The following CHSY3 variants were observed in gnomAD, a reference collection of about 807,000 sequenced individuals.
The protein encoded by CHSY3 is chondroitin sulfate synthase 3.
A neutral mutation model predicts 67.2 loss-of-function variants in CHSY3; 35 were observed. That is an observed-to-expected ratio of 0.52 (90% CI 0.40 to 0.69). CHSY3 has a LOEUF of 0.69. CHSY3 is among the 30% of genes least tolerant of loss of function. The pLI, the probability that CHSY3 is intolerant of heterozygous loss-of-function variation, is 0.00. For synonymous variants in CHSY3, 474 were observed against 434.7 expected, an observed-to-expected ratio of 1.09 and a Z score of -1.12; for missense variants, 1,069 against 1,138.5, an observed-to-expected ratio of 0.94 and a Z score of 0.88.
At chr5:129,976,555 A>C (rs1419616001) in intron 2 of CHSY3, among the ~76,000 whole-genome samples, 3 of 152,132 alleles carry the variant, frequency 2.0e-5, no homozygotes, top group Non-Finnish European at 4.4e-5. Context: ...TGAATGAAGG[A>C]TATCTGGGAA....
intron 2 of CHSY3, among the ~76,000 whole-genome samples, chr5:130,086,633 C>T (rs528586454): frequency 6.6e-6 from 1 of 152,188 alleles, no homozygotes; most frequent in African/African-American, 2.4e-5. Flanking sequence ...TGGATAAATT[C>T]CTCGACACAT....
intron 2 of CHSY3, among the ~76,000 whole-genome samples, chr5:129,943,102 G>T (rs1396376216): frequency 1.3e-5 from 2 of 152,144 alleles, no homozygotes; most frequent in Admixed American, 6.5e-5. Flanking sequence ...GCATTCAGTA[G>T]TAGTATGCAT....
intron 2 of CHSY3, among the ~76,000 whole-genome samples, chr5:130,142,184 C>G (rs1182963011): frequency 6.6e-6 from 1 of 152,122 alleles, no homozygotes; most frequent in Non-Finnish European, 1.5e-5. Flanking sequence ...TTAAAATTGG[C>G]ACCAAAAAAT....
intron 2 of CHSY3, among the ~76,000 whole-genome samples, chr5:129,916,368 C>T (rs1052519790): frequency 6.6e-6 from 1 of 152,138 alleles, no homozygotes; most frequent in African/African-American, 2.4e-5. Context: ...CCCCCCAAAC[C>T]GCGGAGCACA....
intron 2 of CHSY3, among the ~76,000 whole-genome samples, chr5:130,102,558 G>A (rs1004289002): frequency 2.0e-5 from 3 of 151,408 alleles, no homozygotes; most frequent in Admixed American, 6.6e-5. Flanking sequence ...TTTGCCTTAC[G>A]GTGTAGAGCA....
At chr5:130,071,385 A>G (rs1766060110) in intron 2 of CHSY3, among the ~76,000 whole-genome samples, 1 of 152,084 alleles carries the variant, frequency 6.6e-6, no homozygotes, top group South Asian at 2.1e-4. Context: ...TTCTGTCAAA[A>G]GAAGAGTTGG....
chr5:129,905,525 C>A lies in CHSY3; in HGVS notation c.696C>A (p.Ser232=), dbSNP rs774477266. The A allele has an allele frequency of 6.2e-7, 1 of 1,613,504 alleles. No homozygotes were observed. Among genetic ancestry groups the A allele is most frequent in the Admixed American group, 1.7e-5 (1 of 60,030 alleles). ...TCGCGCTACCGGGTGTGGACGACTCCTATCCTCCCCAGAAAAAGTCCTTCA... is the reference window on the plus strand; with the variant it reads ...TCGCGCTACCGGGTGTGGACGACTCATATCCTCCCCAGAAAAAGTCCTTCA... The part of the protein sequence containing the change: ...PVIALPGVDD[S]YPPQKKSFMM... The change falls in exon 1 of 3, where the codon TCC becomes TCA. Residue 232 remains serine, a synonymous_variant. Transcript: ENST00000305031.
At position 129,904,538 on chromosome 5, in the gene CHSY3, C is replaced by CTAGCTG. The variant is rs1238864490; in HGVS notation, c.-292_-291insTAGCTG. ...TCCTCCTCCTCCTCCTGCAGCTCCTCCAGCTGCCGCTGCTGCCGCCGCTGC... is the reference window on the plus strand; with the variant it reads ...TCCTCCTCCTCCTCCTGCAGCTCCTCTAGCTGCAGCTGCCGCTGCTGCCGCCGCTGC... On this transcript the variant is annotated 5_prime_UTR_variant, in exon 1 of 3. Coordinates refer to ENST00000305031, the MANE Select transcript of CHSY3 (RefSeq NM_175856.5). The CTAGCTG allele has an allele frequency of 6.1e-6, 2 of 329,226 alleles. No individual in the cohort carries two copies. The highest frequency in any genetic ancestry group is 1.0e-5 in the Non-Finnish European group (2 of 190,986). 20.4% of individuals were successfully genotyped at this position (329,226 alleles called of 1,614,324 possible).
At chr5:130,043,974 G>T (rs561594654) in intron 2 of CHSY3, among the ~76,000 whole-genome samples, 1 of 152,208 alleles carries the variant, frequency 6.6e-6, no homozygotes, top group Admixed American at 6.6e-5. Context: ...AGGTTAAAAT[G>T]CATGTTAGAC....
intron 2 of CHSY3, chr5:130,141,350 C>G: frequency 1.3e-5 from 5 of 379,412 alleles, no homozygotes; most frequent in Non-Finnish European, 1.6e-5. Context: ...TTAGATTTAT[C>G]AAGGAGAGAG....
chr5:130,057,545 A>G (rs1482285895), intron 2 of CHSY3, among the ~76,000 whole-genome samples: 1 of 152,182 alleles, frequency 6.6e-6, no homozygotes, highest in Non-Finnish European at 1.5e-5. Flanking sequence ...AATATTTGTC[A>G]TTAATAACCT....
intron 2 of CHSY3, among the ~76,000 whole-genome samples, chr5:130,083,016 T>TAAATA (rs1055222252): frequency 7.9e-5 from 12 of 151,630 alleles, no homozygotes; most frequent in African/African-American, 2.2e-4. Context: ...AAATATAAAA[T>TAAATA]AAATAAAATA....
intron 2 of CHSY3, among the ~76,000 whole-genome samples, chr5:130,118,100 G>T (rs1767877722): frequency 6.6e-6 from 1 of 152,102 alleles, no homozygotes; most frequent in Non-Finnish European, 1.5e-5. Context: ...CTTTCCGCAA[G>T]CACTGGTAAG....
intron 2 of CHSY3, among the ~76,000 whole-genome samples, chr5:129,913,906 T>C (rs1760651689): frequency 6.6e-6 from 1 of 152,212 alleles, no homozygotes; most frequent in South Asian, 2.1e-4. Context: ...TTTCTTAAAG[T>C]CTGTAAACAC....
chr5:130,036,785 G>A (rs945862872), intron 2 of CHSY3, among the ~76,000 whole-genome samples: 10 of 152,274 alleles, frequency 6.6e-5, no homozygotes, highest in African/African-American at 2.4e-4. Flanking sequence ...CCAGCTCTGT[G>A]TGTGTGGCTG....
intron 2 of CHSY3, among the ~76,000 whole-genome samples, chr5:130,019,785 A>G (rs941459126): frequency 1.3e-5 from 2 of 152,228 alleles, no homozygotes; most frequent in Non-Finnish European, 2.9e-5. Flanking sequence ...AGGTTTTTGC[A>G]TCTCTCATGT....
chr5:129,974,598 T>A (rs1161335301), intron 2 of CHSY3, among the ~76,000 whole-genome samples: 2 of 152,154 alleles, frequency 1.3e-5, no homozygotes, highest in Non-Finnish European at 2.9e-5. Context: ...GTGGTTGGGT[T>A]GCTGGTGCTC....
At chr5:130,074,523 C>T (rs1223874662) in intron 2 of CHSY3, among the ~76,000 whole-genome samples, 2 of 152,132 alleles carry the variant, frequency 1.3e-5, no homozygotes, top group South Asian at 2.1e-4. Context: ...TTAGGAACTG[C>T]TGAAATTAAA....
At chr5:130,165,864 TATTTTCTCAATGAATATGCC>T (rs1218670956) in intron 2 of CHSY3, among the ~76,000 whole-genome samples, 2 of 152,098 alleles carry the variant, frequency 1.3e-5, no homozygotes, top group Non-Finnish European at 1.5e-5. Context: ...TTTTGTGAAA[TATTTTCTCAATGAATATGCC>T]ATTGAGATTA....
Sources: allele counts gnomAD v4.1 joint callset (sites outside exome capture counted in the v4.1 genomes callset), GRCh38; gene constraint gnomAD v4.1.1; transcripts MANE v1.5; gene names NCBI Gene and HGNC (gene_info 2026-07-23, HGNC 2026-07-21).